The following LIPF variants were observed in gnomAD, a reference collection of about 807,000 sequenced individuals.
The protein encoded by LIPF is lipase F, gastric type.
A neutral mutation model predicts 38.0 loss-of-function variants in LIPF; 25 were observed. The observed-to-expected ratio is 0.66, with a 90% confidence interval of 0.48 to 0.92. The LOEUF is 0.92. LIPF is among the 40% of genes least tolerant of loss of function. LIPF has a pLI of 0.00. For synonymous variants in LIPF, 161 were observed against 156.2 expected (o/e 1.03, Z -0.23); for missense variants, 410 against 469.9 (o/e 0.87, Z 1.18).
intron 7 of LIPF, among the ~76,000 whole-genome samples, chr10:88,674,914 G>A (rs1289403939): frequency 1.2e-4 from 18 of 152,160 alleles, no homozygotes; most frequent in Admixed American, 1.2e-3. Flanking sequence ...CTCATCACAC[G>A]AACAAAAGGC....
chr10:88,676,505 C>T (rs1164309237), intron 9 of LIPF, among the ~76,000 whole-genome samples: 2 of 152,158 alleles, frequency 1.3e-5, no homozygotes, highest in Non-Finnish European at 2.9e-5. Context: ...GTGTGAGAGA[C>T]TTCCCAGGAC....
chr10:88,672,044 G>C (rs776528132), intron 6 of LIPF, 79 bp downstream of exon 6: 192 of 1,297,276 alleles, frequency 1.5e-4, no homozygotes, highest in Non-Finnish European at 1.8e-4. Context: ...AGAGAACAGA[G>C]TTATAAAAAG....
At chr10:88,675,779 C>T in intron 8 of LIPF, 122 bp downstream of exon 8, 1 of 574,754 alleles carries the variant, frequency 1.7e-6, no homozygotes, top group Non-Finnish European at 3.1e-6. Flanking sequence ...CTGGCACTGA[C>T]TACCATACAA....
chr10:88,672,230 T>C (rs1841610770), intron 6 of LIPF, among the ~76,000 whole-genome samples: 1 of 152,156 alleles, frequency 6.6e-6, no homozygotes, highest in African/African-American at 2.4e-5. Flanking sequence ...ATGGTTTGTT[T>C]ATTAAGCACT....
chr10:88,675,772 G>A (rs1049858629), intron 8 of LIPF, 115 bp downstream of exon 8: 4 of 605,710 alleles, frequency 6.6e-6, no homozygotes, highest in Non-Finnish European at 1.2e-5. Flanking sequence ...AATTTTTCTG[G>A]CACTGACTAC....
At chr10:88,667,766 T>G (rs1841536138) in intron 3 of LIPF, 80 bp downstream of exon 3, 1 of 638,412 alleles carries the variant, frequency 1.6e-6, no homozygotes, top group Non-Finnish European at 2.8e-6. Flanking sequence ...CTCTCCTTTC[T>G]TCCTCCAACT....
intron 6 of LIPF, among the ~76,000 whole-genome samples, 173 bp from the exon 7 acceptor site, chr10:88,673,415 C>G (rs1841634301): frequency 6.6e-6 from 1 of 152,218 alleles, no homozygotes; most frequent in African/African-American, 2.4e-5. Context: ...GCCCATTTCA[C>G]AACTTTATTA....
intron 4 of LIPF, 143 bp from the exon 5 acceptor site, chr10:88,669,693 GA>G: frequency 1.8e-6 from 1 of 543,104 alleles, no homozygotes; most frequent in African/African-American, 1.9e-5. Context: ...AAGGGCACCT[GA>G]CATCCACTGA....
In LIPF at chr10:88,667,313, A is replaced by G; in HGVS notation, c.16A>G (p.Thr6Ala). MWLLL[T>A]MASLISVLGT... Reference sequence around the variant, plus strand: ...CAGGTCCAAAATGTGGCTGCTTTTAACAATGGCAAGTTTGATATCTGTACT... The same window carrying G: ...CAGGTCCAAAATGTGGCTGCTTTTAGCAATGGCAAGTTTGATATCTGTACT... Residue 6 changes from threonine (T) to alanine (A), a missense_variant, in exon 2 of 10, where the codon ACA (threonine) becomes GCA (alanine). By Grantham distance (58) the Thr-to-Ala change is moderately conservative. Coordinates refer to ENST00000238983, the MANE Select transcript of LIPF (RefSeq NM_004190.4). The G allele has an allele frequency of 6.2e-7, 1 of 1,612,188 alleles. No homozygotes were observed. The highest frequency in any genetic ancestry group is 8.5e-7 in the Non-Finnish European group (1 of 1,178,740).
intron 4 of LIPF, 158 bp from the exon 5 acceptor site, chr10:88,669,679 C>G (rs1306271026): frequency 5.8e-6 from 3 of 517,668 alleles, no homozygotes; most frequent in Non-Finnish European, 6.9e-6. Context: ...AAGAAGCTGC[C>G]CCAAAGGGCA....
chr10:88,675,790 A>C, intron 8 of LIPF, 133 bp downstream of exon 8: 2 of 551,888 alleles, frequency 3.6e-6, no homozygotes, highest in Admixed American at 6.8e-5. Flanking sequence ...TACCATACAA[A>C]AATAACTATG....
intron 7 of LIPF, among the ~76,000 whole-genome samples, chr10:88,674,647 G>T (rs191118244): frequency 6.6e-6 from 1 of 152,270 alleles, no homozygotes; most frequent in Admixed American, 6.5e-5. Flanking sequence ...TCCACAAAAT[G>T]GGTTATTGGG....
intron 5 of LIPF, among the ~76,000 whole-genome samples, chr10:88,671,186 C>CT (rs17287072): frequency 0.031 from 4,673 of 152,222 alleles, 88 homozygotes; most frequent in Middle Eastern, 0.061. Flanking sequence ...TTTGAATTCT[C>CT]TTGGGTCCTT....
chr10:88,666,256 G>C (rs538581896), intron 1 of LIPF, among the ~76,000 whole-genome samples: 22 of 152,208 alleles, frequency 1.4e-4, no homozygotes, highest in Admixed American at 7.2e-4. Flanking sequence ...AATTCCACTT[G>C]AATCCAAAGA....
chr10:88,673,226 A>G (rs1236582134), intron 6 of LIPF, among the ~76,000 whole-genome samples: 1 of 152,166 alleles, frequency 6.6e-6, no homozygotes, highest in East Asian at 1.9e-4. Context: ...TTCACAATTT[A>G]TTGCTGAAAT....
intron 4 of LIPF, chr10:88,669,523 A>C (rs758943168): frequency 5.5e-6 from 1 of 181,818 alleles, no homozygotes; most frequent in Non-Finnish European, 1.2e-5. Context: ...ATTTATATTA[A>C]ATGACATGGA....
At chr10:88,672,377 G>T (rs975544808) in intron 6 of LIPF, among the ~76,000 whole-genome samples, 4 of 152,112 alleles carry the variant, frequency 2.6e-5, no homozygotes, top group Non-Finnish European at 5.9e-5. Context: ...GGAAGGGGAG[G>T]GAAAGGGAGA....
chr10:88,667,406 AGTT>A lies in LIPF; in HGVS notation c.105+5_105+7del. 1 of 1,534,304 alleles carries A rather than the reference AGTT, an allele frequency of 6.5e-7. No individual in the cohort carries two copies. The highest frequency in any genetic ancestry group is 9.0e-7 in the Non-Finnish European group (1 of 1,110,236). On this transcript the variant is annotated splice_donor_5th_base_variant and intron_variant, in intron 2 of 9. Transcript: ENST00000238983. Reference sequence around the variant, plus strand: ...CCCTGAAGTGACTATGAACATTGTAAGTTACTCTGGGGAAAAACTCTATAAAAC... The same window carrying A: ...CCCTGAAGTGACTATGAACATTGTAAACTCTGGGGAAAAACTCTATAAAAC...
intron 5 of LIPF, 39 bp downstream of exon 5, chr10:88,669,985 A>G (rs780695165): frequency 7.6e-7 from 1 of 1,321,120 alleles, no homozygotes; most frequent in Non-Finnish European, 1.1e-6. Flanking sequence ...TTTACTTCTC[A>G]TAAACACTTT....
Sources: allele counts gnomAD v4.1 joint callset (sites outside exome capture counted in the v4.1 genomes callset), GRCh38; gene constraint gnomAD v4.1.1; transcripts MANE v1.5; gene names NCBI Gene and HGNC (gene_info 2026-07-23, HGNC 2026-07-21).